Variants in KCNAB1 observed in about 807,000 individuals in gnomAD.
The protein encoded by KCNAB1 is potassium voltage-gated channel subfamily A regulatory beta subunit 1.
A neutral mutation model predicts 64.6 loss-of-function variants in KCNAB1; 35 were observed. That is an observed-to-expected ratio of 0.54 (90% CI 0.41 to 0.72). KCNAB1 has a LOEUF of 0.72. Ranked by LOEUF, KCNAB1 falls within the 30% of genes least tolerant of loss-of-function variation. KCNAB1 has a pLI of 0.00. For missense variants in KCNAB1, 401 were observed against 512.9 expected (o/e 0.78, Z 2.11); for synonymous variants, 177 against 183.8 (o/e 0.96, Z 0.30).
chr3:156,125,321 A>G (rs573251261), intron 1 of KCNAB1, among the ~76,000 whole-genome samples: 24 of 152,314 alleles, frequency 1.6e-4, no homozygotes, highest in Non-Finnish European at 2.8e-4. Flanking sequence ...CAACAAAAGT[A>G]TATACTTCAC....
intron 1 of KCNAB1, among the ~76,000 whole-genome samples, chr3:156,241,229 T>A (rs953753430): frequency 6.6e-6 from 1 of 152,256 alleles, no homozygotes; most frequent in African/African-American, 2.4e-5. Flanking sequence ...TTTGTTTCTT[T>A]CCTGAAATTA....
intron 1 of KCNAB1, among the ~76,000 whole-genome samples, chr3:156,394,886 G>C (rs1351265700): frequency 6.6e-6 from 1 of 152,198 alleles, no homozygotes; most frequent in Non-Finnish European, 1.5e-5. Flanking sequence ...AATGATTAAT[G>C]TGTCAATCAT....
intron 2 of KCNAB1, among the ~76,000 whole-genome samples, chr3:156,451,725 A>G (rs1253107670): frequency 6.6e-6 from 1 of 152,038 alleles, no homozygotes; most frequent in Non-Finnish European, 1.5e-5. Flanking sequence ...TGGTGCTCCC[A>G]CATTTCATCT....
intron 1 of KCNAB1, among the ~76,000 whole-genome samples, chr3:156,287,995 A>G (rs1720191679): frequency 6.6e-6 from 1 of 152,194 alleles, no homozygotes; most frequent in African/African-American, 2.4e-5. Flanking sequence ...TATGGCTGCT[A>G]TAACAAAGAA....
intron 1 of KCNAB1, among the ~76,000 whole-genome samples, chr3:156,179,351 G>A (rs1026812491): frequency 2.6e-5 from 4 of 151,664 alleles, no homozygotes; most frequent in African/African-American, 4.8e-5. Context: ...TCCAGAAGGG[G>A]GGATATAAAA....
intron 1 of KCNAB1, among the ~76,000 whole-genome samples, chr3:156,359,978 A>G (rs1677923663): frequency 1.3e-5 from 2 of 152,232 alleles, no homozygotes; most frequent in South Asian, 2.1e-4. Context: ...TCACATGTGA[A>G]TGAGCATCAA....
intron 1 of KCNAB1, among the ~76,000 whole-genome samples, chr3:156,228,175 GC>G (rs144581554): frequency 0.015 from 2,265 of 152,020 alleles, 70 homozygotes; most frequent in African/African-American, 0.053. Flanking sequence ...CCTCCCCTTG[GC>G]AGTAACTGTG....
chr3:156,198,159 G>A (rs1369622202), intron 1 of KCNAB1, among the ~76,000 whole-genome samples: 1 of 152,144 alleles, frequency 6.6e-6, no homozygotes, highest in East Asian at 1.9e-4. Context: ...GATACTGTTT[G>A]TTATGATTTT....
chr3:156,245,855 A>G (rs768570271), intron 1 of KCNAB1, among the ~76,000 whole-genome samples: 5 of 152,206 alleles, frequency 3.3e-5, no homozygotes, highest in African/African-American at 4.8e-5. Flanking sequence ...AGAGAAAGGC[A>G]TTTAGCAACA....
At chr3:156,484,746 G>A (rs906663730) in intron 8 of KCNAB1, among the ~76,000 whole-genome samples, 4 of 151,606 alleles carry the variant, frequency 2.6e-5, no homozygotes, top group African/African-American at 7.2e-5. Context: ...TCAGACAGCC[G>A]GGGATAAACA....
chr3:156,389,328 G>A (rs778358091), intron 1 of KCNAB1, among the ~76,000 whole-genome samples: 6 of 152,224 alleles, frequency 3.9e-5, no homozygotes, highest in Middle Eastern at 3.4e-3. Context: ...GAAGCTCCTC[G>A]CCTTGCCATG....
intron 12 of KCNAB1, among the ~76,000 whole-genome samples, chr3:156,527,357 A>G (rs896117814): frequency 1.3e-5 from 2 of 152,210 alleles, no homozygotes; most frequent in Non-Finnish European, 2.9e-5. Context: ...GTGCTCAGTG[A>G]GTGCTAATAA....
chr3:156,531,194 C>T (rs948175951), intron 12 of KCNAB1, among the ~76,000 whole-genome samples: 2 of 152,192 alleles, frequency 1.3e-5, no homozygotes, highest in African/African-American at 4.8e-5. Flanking sequence ...TATGCATTTG[C>T]ATTTCCCCTC....
chr3:156,147,768 A>G (rs926326755), intron 1 of KCNAB1, among the ~76,000 whole-genome samples: 1 of 152,174 alleles, frequency 6.6e-6, no homozygotes, highest in Admixed American at 6.5e-5. Flanking sequence ...CTGGTCTTAC[A>G]GCTGAAGAAA....
intron 1 of KCNAB1, among the ~76,000 whole-genome samples, chr3:156,322,760 C>T (rs911306160): frequency 2.6e-5 from 4 of 152,138 alleles, no homozygotes; most frequent in Admixed American, 2.6e-4. Context: ...TTTAACAGAA[C>T]CACTGGTTTC....
At chr3:156,435,487 C>T (rs1409606296) in intron 2 of KCNAB1, among the ~76,000 whole-genome samples, 2 of 152,098 alleles carry the variant, frequency 1.3e-5, no homozygotes, top group Non-Finnish European at 2.9e-5. Flanking sequence ...TGATGAGCAG[C>T]CAGATAGTCA....
chr3:156,192,785 C>G (rs1280217362), intron 1 of KCNAB1, among the ~76,000 whole-genome samples: 1 of 151,934 alleles, frequency 6.6e-6, no homozygotes, highest in Non-Finnish European at 1.5e-5. Context: ...TAGGCTTTTT[C>G]TAATATTATT....
chr3:156,124,027 A>G (rs778740496), intron 1 of KCNAB1, among the ~76,000 whole-genome samples: 5 of 152,100 alleles, frequency 3.3e-5, no homozygotes, highest in South Asian at 2.1e-4. Context: ...TATTACACCA[A>G]TCTATTTTAT....
rs2108436476 is a variant in KCNAB1, at chr3:156,537,246, A to C, written c.*499A>C. The C allele has an allele frequency of 2.6e-6, 1 of 391,628 alleles. No homozygotes were observed. The highest frequency in any genetic ancestry group is 4.4e-5 in the Admixed American group (1 of 22,594). 24.3% of individuals were successfully genotyped at this position (391,628 alleles called of 1,614,324 possible). A position where few individuals can be genotyped will look rare whatever the true frequency, so the allele number is the denominator to read the frequency against. On this transcript the variant is annotated 3_prime_UTR_variant, in exon 14 of 14. Coordinates refer to ENST00000490337, the MANE Select transcript of KCNAB1 (RefSeq NM_172160.3). ...TTAAAAATATATCTCACTGCAAAAA[A>C]AAAAAAGCAGTATCTTCACTCAAAA...
Sources: allele counts gnomAD v4.1 joint callset (sites outside exome capture counted in the v4.1 genomes callset), GRCh38; gene constraint gnomAD v4.1.1; transcripts MANE v1.5; gene names NCBI Gene and HGNC (gene_info 2026-07-23, HGNC 2026-07-21).